The following ACTR3C variants were observed in gnomAD, a reference collection of about 807,000 sequenced individuals.
The protein encoded by ACTR3C is actin related protein 3C.
In ACTR3C, 18 loss-of-function variants were observed where a neutral mutation model predicts 26.3. The ratio of observed to expected loss-of-function variants is 0.68; its 90% CI spans 0.47 to 1.01. The LOEUF is 1.01. Among genes scored for constraint, ACTR3C ranks in the 50% least tolerant of loss-of-function variants. The pLI is 0.00. For synonymous variants in ACTR3C, 55 were observed against 94.5 expected, an observed-to-expected ratio of 0.58 and a Z score of 2.42; for missense variants, 184 against 250.7, an observed-to-expected ratio of 0.73 and a Z score of 1.80.
downstream of ACTR3C, among the ~76,000 whole-genome samples, chr7:150,242,076 T>C (rs180853556): frequency 2.6e-5 from 4 of 151,892 alleles, no homozygotes; most frequent in Admixed American, 6.6e-5. Context: ...ATTAGCCTGG[T>C]GTGGTGGCAA....
At chr7:150,165,563 C>T in the ACTR3C span, among the ~76,000 whole-genome samples, 1 of 151,882 alleles carries the variant, frequency 6.6e-6, no homozygotes, top group African/African-American at 2.4e-5. Context: ...TTTTTTCTTT[C>T]TTCTCCCACC....
At chr7:150,190,346 G>A in the ACTR3C span, among the ~76,000 whole-genome samples, 2 of 152,146 alleles carry the variant, frequency 1.3e-5, no homozygotes, top group Admixed American at 6.5e-5. Flanking sequence ...TTACCAGCCT[G>A]TGGCTGTCTT....
chr7:150,194,972 T>C, the ACTR3C span, among the ~76,000 whole-genome samples: 1 of 151,962 alleles, frequency 6.6e-6, no homozygotes. Context: ...TGCGTGCCTG[T>C]AATCCCAGCT....
At chr7:150,108,726 G>A in the ACTR3C span, among the ~76,000 whole-genome samples, 3 of 150,592 alleles carry the variant, frequency 2.0e-5, no homozygotes, top group African/African-American at 4.9e-5. Context: ...CCAGCACTTC[G>A]ACCTCAGACT....
At chr7:150,123,542 T>C in the ACTR3C span, among the ~76,000 whole-genome samples, 1 of 151,500 alleles carries the variant, frequency 6.6e-6, no homozygotes, top group East Asian at 2.0e-4. Context: ...AACGTAGTCA[T>C]GGTCAAATTT....
the ACTR3C span, among the ~76,000 whole-genome samples, chr7:149,959,234 C>CT: frequency 1.0e-4 from 15 of 147,898 alleles, no homozygotes; most frequent in African/African-American, 3.2e-4. Context: ...CCCCCACCCC[C>CT]ACAATCTCCT....
the ACTR3C span, among the ~76,000 whole-genome samples, chr7:150,068,410 C>T: frequency 1.3e-5 from 2 of 152,130 alleles, no homozygotes; most frequent in South Asian, 4.2e-4. Context: ...ACGTCCTTGT[C>T]CCAGTTATCT....
the ACTR3C span, among the ~76,000 whole-genome samples, chr7:150,098,898 T>C: frequency 6.7e-6 from 1 of 150,066 alleles, no homozygotes; most frequent in Non-Finnish European, 1.5e-5. Flanking sequence ...CAATTTCAAA[T>C]ACAGGGATTT....
the ACTR3C span, among the ~76,000 whole-genome samples, chr7:149,960,309 G>A: frequency 7.2e-5 from 11 of 152,024 alleles, no homozygotes; most frequent in East Asian, 5.8e-4. Context: ...TAGGAGTTTC[G>A]CAAGTGATGT....
At chr7:149,921,910 A>G in the ACTR3C span, among the ~76,000 whole-genome samples, 3 of 151,982 alleles carry the variant, frequency 2.0e-5, no homozygotes, top group African/African-American at 7.2e-5. Flanking sequence ...TTCCATTCTA[A>G]TTACTGAAGT....
chr7:150,093,377 G>C, the ACTR3C span, among the ~76,000 whole-genome samples: 1,235 of 151,342 alleles, frequency 8.2e-3, 21 homozygotes, highest in South Asian at 0.017. Context: ...AAAGTGAAAG[G>C]AACAAATAAC....
chr7:149,890,108 A>T, the ACTR3C span, among the ~76,000 whole-genome samples: 1 of 152,228 alleles, frequency 6.6e-6, no homozygotes, highest in Non-Finnish European at 1.5e-5. Flanking sequence ...CTTATACCAG[A>T]TAATTCTTAA....
chr7:150,069,562 G>A, the ACTR3C span, among the ~76,000 whole-genome samples: 1,268 of 152,208 alleles, frequency 8.3e-3, 15 homozygotes, highest in African/African-American at 0.029. Flanking sequence ...GGGGATAATG[G>A]TCAGTAAGAG....
chr7:150,037,011 G>C, the ACTR3C span, among the ~76,000 whole-genome samples: 2 of 103,794 alleles, frequency 1.9e-5, 1 homozygote, highest in Non-Finnish European at 4.5e-5. Flanking sequence ...CCTGCGATGG[G>C]GGTACCAACA....
the ACTR3C span, among the ~76,000 whole-genome samples, chr7:150,152,322 C>G: frequency 6.6e-6 from 1 of 151,952 alleles, no homozygotes; most frequent in African/African-American, 2.4e-5. Flanking sequence ...CCATCAATAC[C>G]TAATTTATTG....
intron 1 of ACTR3C, among the ~76,000 whole-genome samples, chr7:150,309,820 A>G (rs1796141768): frequency 6.6e-6 from 1 of 152,178 alleles, no homozygotes; most frequent in Non-Finnish European, 1.5e-5. Flanking sequence ...TTGCGGCTGA[A>G]GACTGATGCT....
In ACTR3C at chr7:150,285,898, C is replaced by A. The variant is rs1174181110; in HGVS notation, c.471+469G>T. On this transcript the variant is annotated intron_variant, in intron 5 of 7. Transcript: ENST00000683684. Reference sequence around the variant, plus strand: ...AAATAATAGAAATGCTGGCCTTAGACAGAAGCTTTACCTAACTTGCAGCAG... The same window carrying A: ...AAATAATAGAAATGCTGGCCTTAGAAAGAAGCTTTACCTAACTTGCAGCAG... Among the ~76,000 whole-genome samples the A allele has an allele frequency of 3.9e-5, 6 of 152,144 alleles. No individual in the cohort carries two copies. In the South Asian group the frequency reaches 6.2e-4, roughly 16 times the overall value.
chr7:150,080,527 A>ATGTGTGTGTGTG, the ACTR3C span, among the ~76,000 whole-genome samples: 44 of 142,654 alleles, frequency 3.1e-4, no homozygotes, highest in African/African-American at 1.0e-3. Flanking sequence ...TTGTGTGTGT[A>ATGTGTGTGTGTG]TGTGTGTGTG....
chr7:150,100,113 C>G, the ACTR3C span, among the ~76,000 whole-genome samples: 1 of 151,658 alleles, frequency 6.6e-6, no homozygotes, highest in Non-Finnish European at 1.5e-5. Flanking sequence ...CTGTACTCAG[C>G]CTGGCTGGTG....
Sources: allele counts gnomAD v4.1 joint callset (sites outside exome capture counted in the v4.1 genomes callset), GRCh38; gene constraint gnomAD v4.1.1; transcripts MANE v1.5; gene names NCBI Gene and HGNC (gene_info 2026-07-23, HGNC 2026-07-21).